ESR1: variants seen among roughly 807,000 people sequenced by gnomAD.
ESR1 encodes the protein estrogen receptor 1.
Under a neutral mutation model 52.7 loss-of-function variants are expected in ESR1, and 12 were observed. The observed-to-expected ratio is 0.23, with a 90% confidence interval of 0.15 to 0.37. The LOEUF is 0.37. Among genes scored for constraint, ESR1 ranks in the 10% least tolerant of loss-of-function variants. ESR1 has a pLI of 1.00. For synonymous variants in ESR1, 305 were observed against 316.8 expected (o/e 0.96, Z 0.39); for missense variants, 584 against 779.7 (o/e 0.75, Z 2.99).
At chr6:152,020,270 A>G (rs542134661) in intron 5 of ESR1, among the ~76,000 whole-genome samples, 2 of 152,300 alleles carry the variant, frequency 1.3e-5, no homozygotes, top group South Asian at 2.1e-4. Context: ...ATATAACTCT[A>G]AAAGCAAGAT....
chr6:152,096,567 T>A, intron 7 of ESR1: 1 of 449,730 alleles, frequency 2.2e-6, no homozygotes, highest in Non-Finnish European at 4.5e-6. Context: ...AGGGAATGAA[T>A]GGATGAACAA....
At chr6:151,751,307 G>C (rs1199518935) in intron 2 of ESR1, among the ~76,000 whole-genome samples, 2 of 152,144 alleles carry the variant, frequency 1.3e-5, no homozygotes. Context: ...TAATTGTACA[G>C]CTAGGCAATT....
chr6:151,821,952 G>A (rs1003334219), intron 1 of ESR1, among the ~76,000 whole-genome samples: 13 of 152,134 alleles, frequency 8.5e-5, no homozygotes, highest in East Asian at 3.8e-4. Context: ...TAATGTCCCC[G>A]TTACATGTGT....
intron 6 of ESR1, among the ~76,000 whole-genome samples, chr6:152,111,299 C>T (rs886147964): frequency 6.6e-6 from 1 of 152,198 alleles, no homozygotes; most frequent in African/African-American, 2.4e-5. Context: ...AAAGTGATTT[C>T]GAAAGTGGGT....
chr6:152,105,371 TC>T, downstream of ESR1, among the ~76,000 whole-genome samples: 1 of 152,010 alleles, frequency 6.6e-6, no homozygotes, highest in East Asian at 1.9e-4. Flanking sequence ...TTTAACCTTT[TC>T]CCCCCAAATT....
At chr6:152,075,151 A>C (rs1466916553) in intron 6 of ESR1, among the ~76,000 whole-genome samples, 1 of 152,228 alleles carries the variant, frequency 6.6e-6, no homozygotes, top group Non-Finnish European at 1.5e-5. Context: ...GTAGTGAGGG[A>C]AAGTTGGAGT....
Position 152,032,498 on chromosome 6 carries a change from C to T in ESR1, c.1235+20704C>T, listed in dbSNP as rs914094101. Among the ~76,000 whole-genome samples, 38 of 152,122 alleles carry T rather than the reference C, an allele frequency of 2.5e-4. 1 individual carries two copies. The highest frequency in any genetic ancestry group is 4.4e-5 in the Non-Finnish European group (3 of 68,034). ...CACAGGCATTCTTATACACCAATAA[C>T]AGACAAACAGAGAGCCAAATCATGA... On this transcript the variant is annotated intron_variant, in intron 5 of 7. Coordinates refer to ENST00000206249, the MANE Select transcript of ESR1 (RefSeq NM_000125.4).
In ESR1 at chr6:151,987,694, G is replaced by A. The variant is rs536779102; in HGVS notation, c.1097-23962G>A. Among the ~76,000 whole-genome samples, 53 of 152,220 alleles carry A rather than the reference G, an allele frequency of 3.5e-4. 1 individual carries two copies. In the South Asian group the frequency reaches 0.011, roughly 30 times the overall value. ...CAAAGTGCTGGGATTACAAGCGTAA[G>A]CCACCACATCCGGCTCACCAAAGTC... is the stretch of plus-strand genomic sequence containing the variant. On this transcript the variant is annotated intron_variant, in intron 4 of 7. Transcript: ENST00000206249.
intron 2 of ESR1, among the ~76,000 whole-genome samples, chr6:151,759,344 A>G (rs1784502774): frequency 6.6e-6 from 1 of 151,946 alleles, no homozygotes; most frequent in Non-Finnish European, 1.5e-5. Flanking sequence ...ATAGGACAAT[A>G]TGGTCCTGCT....
intron 2 of ESR1, among the ~76,000 whole-genome samples, chr6:151,758,110 G>A (rs111395796): frequency 1.3e-5 from 2 of 152,324 alleles, no homozygotes; most frequent in African/African-American, 4.8e-5. Context: ...TGGTCTTGCT[G>A]TTCAGCATTC....
intron 3 of ESR1, among the ~76,000 whole-genome samples, chr6:151,893,962 G>C (rs1205634359): frequency 1.3e-5 from 2 of 152,178 alleles, no homozygotes; most frequent in Admixed American, 1.3e-4. Context: ...CAAGCAAGAA[G>C]GTGGCTCCAC....
chr6:151,946,769 G>C (rs907481912), intron 4 of ESR1, among the ~76,000 whole-genome samples: 19 of 152,062 alleles, frequency 1.2e-4, no homozygotes, highest in African/African-American at 4.6e-4. Context: ...TGACCAAGCA[G>C]AATAAAAATA....
intron 2 of ESR1, among the ~76,000 whole-genome samples, chr6:151,782,620 A>C (rs1303390053): frequency 6.6e-6 from 1 of 152,114 alleles, no homozygotes; most frequent in Non-Finnish European, 1.5e-5. Context: ...AAATGTGTGC[A>C]CCTATTTAAA....
At chr6:151,848,492 TTA>T (rs1491128608) in intron 2 of ESR1, among the ~76,000 whole-genome samples, 26 of 128,820 alleles carry the variant, frequency 2.0e-4, no homozygotes, top group African/African-American at 6.6e-4. Flanking sequence ...AAAAAAAAAT[TTA>T]AAAAAAAAAA....
At chr6:152,125,518 A>C (rs778112356) in exon 7 of ESR1, 7 of 974,794 alleles carry the variant, frequency 7.2e-6, no homozygotes, top group Non-Finnish European at 8.6e-6. Flanking sequence ...AAAGTGTCTT[A>C]AGAAGGATAG....
chr6:151,843,265 T>C (rs968362602), intron 2 of ESR1, among the ~76,000 whole-genome samples: 1 of 152,210 alleles, frequency 6.6e-6, no homozygotes, highest in Non-Finnish European at 1.5e-5. Context: ...CTTTCTCTCT[T>C]CCATCTCTTT....
At chr6:151,987,206 T>C (rs1162569866) in intron 4 of ESR1, among the ~76,000 whole-genome samples, 1 of 152,092 alleles carries the variant, frequency 6.6e-6, no homozygotes, top group African/African-American at 2.4e-5. Context: ...CTCCTCCTAC[T>C]GCACCCACCC....
In ESR1 at chr6:152,061,570, T is replaced by C. The variant is rs2047545770; in HGVS notation, c.1369+446T>C. ...CTGGTCAAAACTGACTAGCTAAAAA[T>C]ATAGTTGGCTTAGAGATAGAAAAAC... On this transcript the variant is annotated intron_variant, in intron 6 of 7. Transcript: ENST00000206249. This position sits in a 1 kb window ranked among gnomAD's most constrained non-coding sequence, Gnocchi z 4.3. Among the ~76,000 whole-genome samples the C allele has an allele frequency of 6.6e-6, 1 of 152,160 alleles. No individual in the cohort carries two copies. Among genetic ancestry groups the C allele is most frequent in the South Asian group, 2.1e-4 (1 of 4,834 alleles).
chr6:151,716,273 G>T (rs747210417), intron 2 of ESR1, among the ~76,000 whole-genome samples: 2 of 152,176 alleles, frequency 1.3e-5, no homozygotes, highest in Non-Finnish European at 2.9e-5. Context: ...GTCAACCCCT[G>T]CTGGGAGGTG....
Sources: gnomAD v4.1 joint callset for allele counts (sites outside exome capture counted in the v4.1 genomes callset) on GRCh38, gnomAD v4.1.1 for gene constraint, Gnocchi (gnomAD v3.1) non-coding constraint, MANE v1.5 for transcripts, NCBI Gene and HGNC (gene_info 2026-07-23, HGNC 2026-07-21) for gene names.